TNIK: variants seen among roughly 807,000 people sequenced by gnomAD.
The protein encoded by TNIK is TRAF2 and NCK-interacting protein kinase.
A neutral mutation model predicts 191.3 loss-of-function variants in TNIK; 49 were observed. The observed-to-expected ratio is 0.26, with a 90% confidence interval of 0.20 to 0.32. TNIK has a LOEUF of 0.32. TNIK is among the 10% of genes least tolerant of loss of function. The probability of loss-of-function intolerance (pLI) is 1.00; values close to 1 mark genes in which losing one functional copy is unlikely to be tolerated. For synonymous variants in TNIK, 594 were observed against 600.9 expected, an observed-to-expected ratio of 0.99 and a Z score of 0.17; for missense variants, 1,155 against 1,702.3, an observed-to-expected ratio of 0.68 and a Z score of 5.66.
intron 1 of TNIK, among the ~76,000 whole-genome samples, chr3:171,429,273 A>T (rs77504366): frequency 0.048 from 7,314 of 152,234 alleles, 595 homozygotes; most frequent in African/African-American, 0.17. Flanking sequence ...AGCCTAGGAT[A>T]TCTACTAGAG....
intron 11 of TNIK, among the ~76,000 whole-genome samples, chr3:171,160,864 C>T (rs576416337): frequency 2.0e-5 from 3 of 152,264 alleles, no homozygotes; most frequent in East Asian, 3.9e-4. Context: ...AGTGGCTACC[C>T]GAATGGGCTT....
chr3:171,232,063 C>A (rs1437662120), intron 2 of TNIK, among the ~76,000 whole-genome samples: 1 of 152,046 alleles, frequency 6.6e-6, no homozygotes, highest in African/African-American at 2.4e-5. Context: ...GGGGGCAGTG[C>A]AACGAAGGGG....
chr3:171,205,562 G>C (rs191268674), intron 4 of TNIK, among the ~76,000 whole-genome samples: 8 of 152,244 alleles, frequency 5.3e-5, no homozygotes, highest in Admixed American at 4.6e-4. Flanking sequence ...CTCACTACTT[G>C]CAGATCCCCC....
At chr3:171,334,875 CTTTTTTTT>C (rs58249552) in intron 2 of TNIK, among the ~76,000 whole-genome samples, 1 of 146,022 alleles carries the variant, frequency 6.8e-6, no homozygotes, top group African/African-American at 2.5e-5. Flanking sequence ...TTATAAGTTT[CTTTTTTTT>C]TTTTTTACCA....
intron 2 of TNIK, among the ~76,000 whole-genome samples, chr3:171,326,083 G>C (rs1755717786): frequency 6.6e-6 from 1 of 152,046 alleles, no homozygotes; most frequent in Non-Finnish European, 1.5e-5. Context: ...AGGAGAATTG[G>C]AAATGTTTCC....
intron 1 of TNIK, among the ~76,000 whole-genome samples, chr3:171,373,135 A>G (rs745402769): frequency 2.2e-4 from 33 of 152,270 alleles, no homozygotes; most frequent in Middle Eastern, 3.4e-3. Flanking sequence ...CAGTATAAGC[A>G]TTTAGCTGTT....
At chr3:171,154,694 A>G (rs1356131104) in intron 12 of TNIK, among the ~76,000 whole-genome samples, 2 of 152,210 alleles carry the variant, frequency 1.3e-5, no homozygotes, top group Admixed American at 1.3e-4. Flanking sequence ...ATGCCAAGTA[A>G]TAGAAATTTT....
At chr3:171,283,708 T>C (rs188368266) in intron 2 of TNIK, among the ~76,000 whole-genome samples, 47 of 152,300 alleles carry the variant, frequency 3.1e-4, no homozygotes, top group Non-Finnish European at 6.0e-4. Flanking sequence ...ACTAGGGTTC[T>C]GGAAGCCCTG....
chr3:171,244,544 C>T (rs902502162), intron 2 of TNIK, among the ~76,000 whole-genome samples: 5 of 151,944 alleles, frequency 3.3e-5, no homozygotes, highest in Non-Finnish European at 7.4e-5. Context: ...TGCTGCATTC[C>T]AATTTATTTT....
chr3:171,405,182 C>A (rs541897426), intron 1 of TNIK, among the ~76,000 whole-genome samples: 2 of 151,972 alleles, frequency 1.3e-5, no homozygotes, highest in Non-Finnish European at 2.9e-5. Flanking sequence ...TGGATTTGAA[C>A]GCAAGCAGTC....
intron 2 of TNIK, among the ~76,000 whole-genome samples, chr3:171,231,319 T>C (rs1457157786): frequency 6.7e-6 from 1 of 150,276 alleles, no homozygotes; most frequent in Non-Finnish European, 1.5e-5. Context: ...GTTGTTTTGT[T>C]TTTTTTTTTG....
chr3:171,459,950 G>C (rs73032125), intron 1 of TNIK, 57 bp downstream of exon 1: 32 of 677,548 alleles, frequency 4.7e-5, no homozygotes, highest in Non-Finnish European at 7.4e-5. Context: ...TCCACGCACC[G>C]AGCCCATTCA....
chr3:171,140,200 G>T (rs929151753), intron 13 of TNIK, among the ~76,000 whole-genome samples, 199 bp downstream of exon 13: 35 of 152,192 alleles, frequency 2.3e-4, no homozygotes, highest in African/African-American at 8.0e-4. Context: ...ACTCTGTCTG[G>T]GTAGAAAGCA....
At chr3:171,162,758 G>T (rs573538097) in intron 10 of TNIK, among the ~76,000 whole-genome samples, 6 of 152,274 alleles carry the variant, frequency 3.9e-5, no homozygotes, top group Admixed American at 3.9e-4. Flanking sequence ...GAAATTACAA[G>T]AGGTTAAGTA....
chr3:171,399,064 T>C (rs1244968140), intron 1 of TNIK, among the ~76,000 whole-genome samples: 1 of 152,170 alleles, frequency 6.6e-6, no homozygotes, highest in Non-Finnish European at 1.5e-5. Context: ...ACTTCAGAGG[T>C]AAGCACAATG....
rs1160480046 is a variant in TNIK, at chr3:171,063,792, TCTGC to T, written c.*85_*88del. 7 of 1,344,734 alleles carry T rather than the reference TCTGC, an allele frequency of 5.2e-6. No individual in the cohort carries two copies. The highest frequency in any genetic ancestry group is 7.2e-6 in the Non-Finnish European group (7 of 966,026). 83.3% of individuals were successfully genotyped at this position (1,344,734 alleles called of 1,614,324 possible). On this transcript the variant is annotated 3_prime_UTR_variant, in exon 33 of 33. Coordinates refer to ENST00000436636, the MANE Select transcript of TNIK (RefSeq NM_015028.4). ...GATATGTTCAACCAAGCCTTCTGAT[TCTGC>T]CTCTAGACTGGCATAAGTCCACATG...
rs1733946832 is a variant in TNIK, at chr3:171,161,251, T to C, written c.1016+19A>G. On this transcript the variant is annotated intron_variant, in intron 11 of 32. Transcript: ENST00000436636. ...ATTCAGAATGTGAACATTAGAAGAC[T>C]TGGCTTTTGCTCTCATACCTGGGCT... 6.2e-7 allele frequency: 1 copy of C among 1,610,252 alleles called. No homozygotes were observed. The highest frequency in any genetic ancestry group is 8.5e-7 in the Non-Finnish European group (1 of 1,177,542).
intron 1 of TNIK, among the ~76,000 whole-genome samples, chr3:171,379,182 T>C (rs1013286683): frequency 3.3e-5 from 5 of 152,244 alleles, no homozygotes; most frequent in Non-Finnish European, 7.3e-5. Context: ...TTTCAAAATA[T>C]ATTTTTCTCG....
chr3:171,217,764 G>C (rs1741627166), intron 3 of TNIK, among the ~76,000 whole-genome samples: 1 of 152,238 alleles, frequency 6.6e-6, no homozygotes, highest in African/African-American at 2.4e-5. Context: ...GTATGTGGTA[G>C]CTGATCTAAT....
Sources: gnomAD v4.1 joint callset for allele counts (sites outside exome capture counted in the v4.1 genomes callset) on GRCh38, gnomAD v4.1.1 for gene constraint, MANE v1.5 for transcripts, NCBI Gene and HGNC (gene_info 2026-07-23, HGNC 2026-07-21) for gene names.